The following RO60 variants were observed in gnomAD, a reference collection of about 807,000 sequenced individuals.
The protein encoded by RO60 is Ro60, Y RNA binding protein, also known as RNA-binding protein RO60.
A neutral mutation model predicts 55.3 loss-of-function variants in RO60; 20 were observed. The observed-to-expected ratio is 0.36, with a 90% CI of 0.25 to 0.53. The LOEUF (loss-of-function observed/expected upper bound fraction) is 0.53. Ranked by LOEUF, RO60 falls within the 20% of genes least tolerant of loss-of-function variation. The pLI, the probability that RO60 is intolerant of heterozygous loss-of-function variation, is 0.92. For synonymous variants in RO60, 213 were observed against 213.6 expected, an observed-to-expected ratio of 1.00 and a Z score of 0.02; for missense variants, 558 against 646.6, an observed-to-expected ratio of 0.86 and a Z score of 1.49.
At chr1:193,075,595 G>GT (rs753206485) in intron 2 of RO60, among the ~76,000 whole-genome samples, 3 of 151,872 alleles carry the variant, frequency 2.0e-5, no homozygotes, top group African/African-American at 4.8e-5. Flanking sequence ...CAGGATACAG[G>GT]TTTTTTTACT....
rs987447375 is a variant in RO60, at chr1:193,090,406, A to G, written c.*5675A>G. 6 of 151,762 alleles carry G rather than the reference A, an allele frequency of 4.0e-5. No individual in the cohort carries two copies. The highest frequency in any genetic ancestry group is 1.5e-4 in the African/African-American group (6 of 41,316). 9.4% of individuals were successfully genotyped at this position (151,762 alleles called of 1,614,324 possible). Reference sequence around the variant, plus strand: ...AATATACAATTAATGAATAGTACTCAAAGTGTTTTTGTTGCACTGTTACTC... The same window carrying G: ...AATATACAATTAATGAATAGTACTCGAAGTGTTTTTGTTGCACTGTTACTC... On this transcript the variant is annotated 3_prime_UTR_variant, in exon 9 of 9. Transcript: ENST00000400968.
intron 2 of RO60, among the ~76,000 whole-genome samples, chr1:193,074,060 C>A (rs979322691): frequency 6.6e-6 from 1 of 152,162 alleles, no homozygotes; most frequent in Non-Finnish European, 1.5e-5. Flanking sequence ...CTACAAAGGA[C>A]ATGAACTCAT....
chr1:193,073,770 G>T (rs1673686293), intron 2 of RO60, among the ~76,000 whole-genome samples: 2 of 151,928 alleles, frequency 1.3e-5, no homozygotes, highest in African/African-American at 4.8e-5. Context: ...AAGTTCTAGG[G>T]TACATGTGCA....
chr1:193,073,929 T>A (rs1382912125), intron 2 of RO60, among the ~76,000 whole-genome samples: 1 of 138,178 alleles, frequency 7.2e-6, no homozygotes, highest in East Asian at 2.1e-4. Context: ...GATGTTCCCC[T>A]TCCTGTGTCC....
chr1:193,071,046 G>T (rs564184887), intron 2 of RO60, among the ~76,000 whole-genome samples: 2 of 152,236 alleles, frequency 1.3e-5, no homozygotes, highest in African/African-American at 4.8e-5. Flanking sequence ...GGGAGGGCAG[G>T]GTGGTTTCAG....
intron 8 of RO60, among the ~76,000 whole-genome samples, chr1:193,083,274 C>A (rs1354731977): frequency 1.3e-5 from 2 of 151,836 alleles, no homozygotes; most frequent in African/African-American, 4.8e-5. Context: ...TTTGTTTTAC[C>A]TTAGCTGTAA....
intron 5 of RO60, among the ~76,000 whole-genome samples, chr1:193,079,152 A>G (rs1055196541): frequency 6.8e-6 from 1 of 148,042 alleles, no homozygotes; most frequent in Non-Finnish European, 1.5e-5. Flanking sequence ...CAGTGGTGCA[A>G]TATCAGCTCA....
rs374445836 is a variant in RO60 at position 193,064,057 on chromosome 1, G to A, written c.-22+4281G>A. ...AAGTAGACACATATGGCAAGGTCTG[G>A]GGCAAGGGAAGGATGCAGAACTTCC... is the stretch of plus-strand genomic sequence containing the variant. On this transcript the variant is annotated intron_variant, in intron 1 of 8. Transcript: ENST00000400968. Among the ~76,000 whole-genome samples the A allele has an allele frequency of 2.6e-5, 4 of 152,274 alleles. 1 individual carries two copies. The South Asian group carries it at 6.2e-4, about 24-fold the overall frequency.
intron 1 of RO60, among the ~76,000 whole-genome samples, chr1:193,062,065 T>A (rs1408849926): frequency 1.3e-5 from 2 of 152,096 alleles, no homozygotes; most frequent in Non-Finnish European, 2.9e-5. Flanking sequence ...TTTATAGAGA[T>A]TTAATACAAC....
chr1:193,063,102 A>G (rs1672891031), intron 1 of RO60, among the ~76,000 whole-genome samples: 1 of 152,226 alleles, frequency 6.6e-6, no homozygotes, highest in Non-Finnish European at 1.5e-5. Context: ...AAACTGCCAG[A>G]CTGTTTTCCA....
intron 1 of RO60, among the ~76,000 whole-genome samples, chr1:193,062,034 T>G (rs1385793463): frequency 1.3e-5 from 2 of 152,068 alleles, no homozygotes; most frequent in Non-Finnish European, 2.9e-5. Flanking sequence ...TATTGTAATA[T>G]TTAACTTCTC....
At chr1:193,079,747 A>G (rs1411174414) in intron 5 of RO60, among the ~76,000 whole-genome samples, 1 of 152,166 alleles carries the variant, frequency 6.6e-6, no homozygotes, top group Non-Finnish European at 1.5e-5. Flanking sequence ...TGAAAACTAC[A>G]AATTCAGCAA....
At position 193,082,151 on chromosome 1, in the gene RO60, A is replaced by G. The variant is rs200683991; in HGVS notation, c.1204-35A>G. ...ATTCAAAATATTGTATTTCCCCCCA[A>G]ATTTGCTGAAAATTACTGCCATTGA... is the stretch of plus-strand genomic sequence containing the variant. On this transcript the variant is annotated intron_variant, in intron 6 of 8. Transcript: ENST00000400968. 1,619 of 1,306,220 alleles carry G rather than the reference A, an allele frequency of 1.2e-3. 9 individuals are homozygous for G. Among genetic ancestry groups the G allele is most frequent in the South Asian group, 2.2e-3 (181 of 82,700 alleles). 80.9% of individuals were successfully genotyped at this position (1,306,220 alleles called of 1,614,324 possible).
At position 193,070,754 on chromosome 1, in the gene RO60, C is replaced by T. The variant is rs150930143; in HGVS notation, c.580+1120C>T. ...ACTTTGGTTCTCTATTTCTCCCTTC[C>T]ACACATATTTTTATATACAGAATCT... On this transcript the variant is annotated intron_variant, in intron 2 of 8. Transcript: ENST00000400968. The T allele has an allele frequency of 1.7e-3, 311 of 181,332 alleles. 1 individual carries two copies. The highest frequency in any genetic ancestry group is 7.0e-3 in the African/African-American group (296 of 42,198). The allele number at this position is 181,332 out of a possible 1,614,324, so 11.2% of individuals were successfully genotyped here.
chr1:193,071,958 C>T (rs1321101515), intron 2 of RO60, among the ~76,000 whole-genome samples: 4 of 151,230 alleles, frequency 2.6e-5, no homozygotes, highest in Admixed American at 2.6e-4. Context: ...GTCTTTTTAA[C>T]TATTGATTGT....
At position 193,082,173 on chromosome 1, in the gene RO60, T is replaced by C. The variant is rs1572102588; in HGVS notation, c.1204-13T>C. The C allele has an allele frequency of 6.3e-7, 1 of 1,577,090 alleles. No individual in the cohort carries two copies. The highest frequency in any genetic ancestry group is 8.7e-7 in the Non-Finnish European group (1 of 1,150,372). On this transcript the variant is annotated splice_polypyrimidine_tract_variant and intron_variant, in intron 6 of 8. Coordinates refer to ENST00000400968, the MANE Select transcript of RO60 (RefSeq NM_001173524.2). ...CCAAATTTGCTGAAAATTACTGCCA[T>C]TGAATTTTTCAGGTTGTCACACGAA...
chr1:193,062,969 C>T (rs980719792), intron 1 of RO60, among the ~76,000 whole-genome samples: 29 of 151,996 alleles, frequency 1.9e-4, no homozygotes, highest in Non-Finnish European at 4.0e-4. Context: ...CCTTTTTGAC[C>T]GTTATGAGTA....
Position 193,084,874 on chromosome 1 carries a change from A to G in RO60, c.*143A>G, listed in dbSNP as rs1419497205. 2 of 1,472,672 alleles carry G rather than the reference A, an allele frequency of 1.4e-6. No homozygotes were observed. Among genetic ancestry groups the G allele is most frequent in the East Asian group, 2.5e-5 (1 of 40,804 alleles). 91.2% of individuals were successfully genotyped at this position (1,472,672 alleles called of 1,614,324 possible). A position where few individuals can be genotyped will look rare whatever the true frequency, so the allele number is the denominator to read the frequency against. The stretch of plus-strand genomic sequence containing the variant: ...TGGAAAGTTACCTTACTGAAAAAAA[A>G]AAAAGAAGGAAAAATAAGATGGGCC... On this transcript the variant is annotated 3_prime_UTR_variant, in exon 9 of 9. Coordinates refer to ENST00000400968, the MANE Select transcript of RO60 (RefSeq NM_001173524.2).
At chr1:193,076,366 T>C in intron 3 of RO60, 135 bp from the exon 4 acceptor site, 1 of 909,504 alleles carries the variant, frequency 1.1e-6, no homozygotes, top group African/African-American at 1.8e-5. Flanking sequence ...ACTTAGACAT[T>C]TTTCATTCTG....
Sources: allele counts gnomAD v4.1 joint callset (sites outside exome capture counted in the v4.1 genomes callset), GRCh38; gene constraint gnomAD v4.1.1; transcripts MANE v1.5; gene names NCBI Gene and HGNC (gene_info 2026-07-23, HGNC 2026-07-21).